FAM107B: variants seen among roughly 807,000 people sequenced by gnomAD.
FAM107B encodes the protein protein FAM107B.
In FAM107B, 21 loss-of-function variants were observed where a neutral mutation model predicts 31.5. The ratio of observed to expected loss-of-function variants is 0.67; its 90% CI spans 0.47 to 0.96. The LOEUF is 0.96. Among genes scored for constraint, FAM107B ranks in the 40% least tolerant of loss-of-function variants. FAM107B has a pLI of 0.00. For missense variants in FAM107B, 452 were observed against 377.1 expected (o/e 1.20, Z -1.64); for synonymous variants, 157 against 141.5 (o/e 1.11, Z -0.78).
chr10:14,587,574 A>T (rs1851885676), intron 2 of FAM107B, among the ~76,000 whole-genome samples: 1 of 152,254 alleles, frequency 6.6e-6, no homozygotes, highest in Admixed American at 6.5e-5. Flanking sequence ...TTACACAAAC[A>T]TCCAAAAAAA....
In FAM107B at chr10:14,679,439, T is replaced by G. The variant is rs562380621; in HGVS notation, c.412-11748A>C. 3.6e-3 allele frequency among the ~76,000 whole-genome samples: 508 copies of G among 142,062 alleles called. 2 individuals carry two copies. The highest frequency in any genetic ancestry group is 8.9e-3 in the African/African-American group (357 of 40,220). 93.2% of individuals were successfully genotyped at this position (142,062 alleles called of 152,430 possible). A position where few individuals can be genotyped will look rare whatever the true frequency, so the allele number is the denominator to read the frequency against. ...AACCACTGGACCTGGCAAAAAAAAG[T>G]TGAGGTTATACTTAATGTCCTAGCA... On this transcript the variant is annotated intron_variant, in intron 1 of 4. Coordinates refer to ENST00000181796, the MANE Select transcript of FAM107B (RefSeq NM_031453.4).
At chr10:14,558,439 T>C (rs1374083012) in intron 2 of FAM107B, among the ~76,000 whole-genome samples, 2 of 152,236 alleles carry the variant, frequency 1.3e-5, no homozygotes, top group Non-Finnish European at 2.9e-5. Flanking sequence ...GATGCTAAAA[T>C]GCATAACTTT....
Position 14,703,830 on chromosome 10 carries a change from G to T in FAM107B, c.412-36139C>A, listed in dbSNP as rs149532072. On this transcript the variant is annotated intron_variant, in intron 1 of 4. Coordinates refer to ENST00000181796, the MANE Select transcript of FAM107B (RefSeq NM_031453.4). ...ATGCTGTCTCGATTTTTTTAAGGTT[G>T]CCATTTATGAGCAGCTGATCATAAT... Among the ~76,000 whole-genome samples, 12 of 152,258 alleles carry T rather than the reference G, an allele frequency of 7.9e-5. No individual in the cohort carries two copies. The East Asian group carries it at 1.7e-3, about 22-fold the overall frequency.
intron 3 of FAM107B, among the ~76,000 whole-genome samples, chr10:14,525,956 G>A (rs1453540062): frequency 6.6e-6 from 1 of 152,130 alleles, no homozygotes; most frequent in Non-Finnish European, 1.5e-5. Context: ...ACATTCAAGG[G>A]CAGACGGGGC....
intron 1 of FAM107B, among the ~76,000 whole-genome samples, chr10:14,711,582 A>G (rs1410990657): frequency 6.6e-6 from 1 of 152,224 alleles, no homozygotes; most frequent in Non-Finnish European, 1.5e-5. Flanking sequence ...GCACAGTCCT[A>G]TGATGTTCAC....
intron 1 of FAM107B, among the ~76,000 whole-genome samples, chr10:14,668,769 T>C (rs1043903220): frequency 3.3e-5 from 5 of 152,206 alleles, no homozygotes; most frequent in Non-Finnish European, 7.4e-5. Context: ...CCTTGAATTA[T>C]ACTGCAGGAA....
intron 2 of FAM107B, among the ~76,000 whole-genome samples, chr10:14,660,775 C>A (rs1039577094): frequency 1.3e-5 from 2 of 152,142 alleles, no homozygotes; most frequent in Non-Finnish European, 2.9e-5. Flanking sequence ...CTAGAACTTT[C>A]TTTCTAAAGT....
At chr10:14,573,902 T>TAAAA (rs1851379101) in intron 2 of FAM107B, among the ~76,000 whole-genome samples, 1 of 148,452 alleles carries the variant, frequency 6.7e-6, no homozygotes, top group Non-Finnish European at 1.5e-5. Context: ...ATACATGATA[T>TAAAA]AAAAACAAAC....
rs200886938 is a variant in FAM107B, at chr10:14,559,287, C to G, written c.470-28772G>C. ...GTGGACCATCTCTTCTCCCCCACCT[C>G]CAGGACCAAGCGCGTGAGCCAGCCA... On this transcript the variant is annotated intron_variant, in intron 2 of 4. Transcript: ENST00000181796. Among the ~76,000 whole-genome samples, 9 of 152,264 alleles carry G rather than the reference C, an allele frequency of 5.9e-5. No homozygotes were observed. In the East Asian group the frequency reaches 1.5e-3, roughly 26 times the overall value.
chr10:14,704,698 T>G (rs1855480144), intron 1 of FAM107B, among the ~76,000 whole-genome samples: 1 of 152,046 alleles, frequency 6.6e-6, no homozygotes, highest in Non-Finnish European at 1.5e-5. Context: ...TGCCTACAAC[T>G]CGATAAGAAC....
chr10:14,587,546 TATGA>T (rs1851884728), intron 2 of FAM107B, among the ~76,000 whole-genome samples: 3 of 152,210 alleles, frequency 2.0e-5, no homozygotes, highest in Admixed American at 2.0e-4. Flanking sequence ...TTTCCATTAG[TATGA>T]ATAAGAATTT....
At chr10:14,657,962 C>T (rs1009631209) in intron 2 of FAM107B, among the ~76,000 whole-genome samples, 8 of 152,076 alleles carry the variant, frequency 5.3e-5, no homozygotes, top group Non-Finnish European at 1.0e-4. Flanking sequence ...AGTCACACAC[C>T]ACCACACCCG....
chr10:14,532,781 G>C (rs1047636614), intron 2 of FAM107B: 2 of 152,166 alleles, frequency 1.3e-5, no homozygotes, highest in African/African-American at 2.4e-5. Context: ...TCCATAAAAG[G>C]CTCCGTATTT....
rs186542007 is a variant in FAM107B, at chr10:14,736,950, C to T, written c.411+37303G>A. 7.2e-5 allele frequency among the ~76,000 whole-genome samples: 11 copies of T among 152,296 alleles called. No individual in the cohort carries two copies. The South Asian group carries it at 8.3e-4, about 11-fold the overall frequency. On this transcript the variant is annotated intron_variant, in intron 1 of 4. Coordinates refer to ENST00000181796, the MANE Select transcript of FAM107B (RefSeq NM_031453.4). ...ACTCAGATAGGAAGCCGACACCAGGCGGCCTTGTTGGCAGTCTGGGGAAAG... is the reference window on the plus strand; with the variant it reads ...ACTCAGATAGGAAGCCGACACCAGGTGGCCTTGTTGGCAGTCTGGGGAAAG...
intron 1 of FAM107B, among the ~76,000 whole-genome samples, chr10:14,741,553 T>G (rs931345649): frequency 1.8e-4 from 27 of 152,244 alleles, no homozygotes; most frequent in Admixed American, 1.4e-3. Flanking sequence ...AGCCAAACAC[T>G]GACCCCAGAT....
intron 2 of FAM107B, among the ~76,000 whole-genome samples, chr10:14,583,429 C>A (rs1187866906): frequency 1.3e-5 from 2 of 152,158 alleles, no homozygotes; most frequent in African/African-American, 4.8e-5. Context: ...GCAGCACAGA[C>A]CACAGAACTC....
chr10:14,615,438 A>G (rs1211375639), intron 2 of FAM107B, among the ~76,000 whole-genome samples: 2 of 152,212 alleles, frequency 1.3e-5, no homozygotes, highest in Non-Finnish European at 2.9e-5. Context: ...CATTAAGCCT[A>G]GGCCTTGCTG....
intron 2 of FAM107B, among the ~76,000 whole-genome samples, chr10:14,547,172 C>A (rs1339537916): frequency 6.6e-6 from 1 of 152,178 alleles, no homozygotes; most frequent in Non-Finnish European, 1.5e-5. Flanking sequence ...GCAAGCTAAA[C>A]GAAGCCAACT....
chr10:14,572,508 C>T (rs564828847), intron 2 of FAM107B: 2 of 533,110 alleles, frequency 3.8e-6, no homozygotes, highest in East Asian at 1.5e-4. Flanking sequence ...GGATTCATGG[C>T]ATCACAGCCC....
Sources: gnomAD v4.1 joint callset for allele counts (sites outside exome capture counted in the v4.1 genomes callset) on GRCh38, gnomAD v4.1.1 for gene constraint, MANE v1.5 for transcripts, NCBI Gene and HGNC (gene_info 2026-07-23, HGNC 2026-07-21) for gene names.